Variants in MX1 observed in about 807,000 individuals in gnomAD.
MX1 encodes the protein interferon-induced GTP-binding protein Mx1.
A neutral mutation model predicts 66.4 loss-of-function variants in MX1; 66 were observed. The observed-to-expected ratio is 0.99, with a 90% CI of 0.82 to 1.22. The LOEUF (loss-of-function observed/expected upper bound fraction) is 1.22, where lower values mean the gene tolerates loss of function less well. MX1 is among the 50% of genes most tolerant of loss of function. The pLI is 0.00. For synonymous variants in MX1, 311 were observed against 318.1 expected, an observed-to-expected ratio of 0.98 and a Z score of 0.24; for missense variants, 787 against 834.3, an observed-to-expected ratio of 0.94 and a Z score of 0.70.
Position 41,441,055 on chromosome 21 carries a change from G to C in MX1, c.730+30G>C, listed in dbSNP as rs8134242. ...GAGTGGGGGAGCCCCACTGTGCTCA[G>C]TGAGAATGGGGGAGCCCGCCTGTGC... On this transcript the variant is annotated intron_variant, in intron 9 of 16. Transcript: ENST00000398598. The surrounding 1 kb of genome is among the most constrained non-coding windows in gnomAD (Gnocchi z 4.0). 1.3e-5 allele frequency: 19 copies of C among 1,504,148 alleles called. No individual in the cohort carries two copies. The Middle Eastern group carries it at 1.3e-3, about 102-fold the overall frequency. The allele number at this position is 1,504,148 out of a possible 1,614,324, so 93.2% of individuals were successfully genotyped here. A position where few individuals can be genotyped will look rare whatever the true frequency, so the allele number is the denominator to read the frequency against.
rs1460205647 is a variant in MX1, at chr21:41,459,041, T to A, written c.*283T>A. ...CCTCAGAATCGCTCCACCTTGCAGC[T>A]CTCCCCTTCTCTGTATTCCTAGAAA... On this transcript the variant is annotated 3_prime_UTR_variant, in exon 17 of 17. Coordinates refer to ENST00000398598, the MANE Select transcript of MX1 (RefSeq NM_002462.5). The A allele has an allele frequency of 2.1e-5, 11 of 529,926 alleles. No homozygotes were observed. In the East Asian group the frequency reaches 3.1e-4, roughly 15 times the overall value. The allele number at this position is 529,926 out of a possible 1,614,324, so 32.8% of individuals were successfully genotyped here. A position where few individuals can be genotyped will look rare whatever the true frequency, so the allele number is the denominator to read the frequency against.
intron 13 of MX1, among the ~76,000 whole-genome samples, chr21:41,448,823 A>C (rs1235560854): frequency 6.6e-6 from 1 of 152,006 alleles, no homozygotes; most frequent in African/African-American, 2.4e-5. Context: ...CAAATGAAAA[A>C]AAAGGGTCTT....
chr21:41,421,285 G>C (rs2089990455), upstream of MX1: 1 of 152,284 alleles, frequency 6.6e-6, no homozygotes, highest in Non-Finnish European at 1.5e-5. Context: ...TCAGTAGATG[G>C]AACGTACAAT....
intron 14 of MX1, 86 bp downstream of exon 14, chr21:41,449,381 C>T: frequency 1.4e-6 from 2 of 1,416,310 alleles, no homozygotes; most frequent in East Asian, 4.6e-5. Flanking sequence ...TCAGCACTTT[C>T]CTCCTGGGGT....
rs1555885674 is a variant in MX1 at position 41,442,006 on chromosome 21, A to AGC, written c.929+93_929+94insCG. On this transcript the variant is annotated intron_variant, in intron 10 of 16. Coordinates refer to ENST00000398598, the MANE Select transcript of MX1 (RefSeq NM_002462.5). ...TGGCAGCCGTCCCACAGATGTGTGGAGTGTGTGTGTGTGTGTGTGCGTGTG... is the reference window on the plus strand; with the variant it reads ...TGGCAGCCGTCCCACAGATGTGTGGAGCGTGTGTGTGTGTGTGTGTGCGTGTG... 1.5e-5 allele frequency: 14 copies of AGC among 909,918 alleles called. No homozygotes were observed. The African/African-American group carries it at 2.1e-4, about 14-fold the overall frequency. 56.4% of individuals were successfully genotyped at this position (909,918 alleles called of 1,614,324 possible). A position where few individuals can be genotyped will look rare whatever the true frequency, so the allele number is the denominator to read the frequency against.
rs1345167441 is a variant in MX1, at chr21:41,458,735, C to T, written c.1966C>T (p.Arg656Trp). 8 of 1,612,870 alleles carry T rather than the reference C, an allele frequency of 5.0e-6. No homozygotes were observed. The highest frequency in any genetic ancestry group is 2.2e-5 in the South Asian group (2 of 91,078). The change falls in exon 17 of 17, where the codon CGG becomes TGG. Residue 656 changes from arginine (R) to tryptophan (W), a missense_variant. Physicochemically the swap from Arg to Trp is moderately radical, Grantham distance 101 (BLOSUM62 -3). Coordinates refer to ENST00000398598, the MANE Select transcript of MX1 (RefSeq NM_002462.5). The stretch of plus-strand genomic sequence containing the variant: ...TGCACGGCTGACGCAGGCTCGGCGC[C>T]GGCTTGCCCAGTTCCCCGGTTAACC... The part of the protein sequence containing the change: ...RLARLTQARR[R>W]LAQFPG
At chr21:41,420,746 C>T (rs552392195) in exon 1 of MX1, 3 of 152,276 alleles carry the variant, frequency 2.0e-5, no homozygotes, top group African/African-American at 7.2e-5. Context: ...GCAGCGGCAC[C>T]CAGCGTGGGC....
chr21:41,434,791 T>C (rs1380917005), intron 5 of MX1, among the ~76,000 whole-genome samples: 15 of 152,234 alleles, frequency 9.9e-5, no homozygotes, highest in Admixed American at 9.8e-4. Context: ...ATTATTGATG[T>C]TCAAACATTC....
chr21:41,455,494 A>G (rs1384195276), intron 16 of MX1, among the ~76,000 whole-genome samples: 1 of 152,270 alleles, frequency 6.6e-6, no homozygotes, highest in Non-Finnish European at 1.5e-5. Flanking sequence ...GATGAGTGAC[A>G]ATGGCAGAGG....
chr21:41,455,183 T>G (rs578249357), intron 16 of MX1, among the ~76,000 whole-genome samples: 1 of 152,174 alleles, frequency 6.6e-6, no homozygotes, highest in Non-Finnish European at 1.5e-5. Context: ...GTGCTGGGAT[T>G]ACAGGCGTGA....
chr21:41,457,357 G>A (rs1369514521), intron 16 of MX1, among the ~76,000 whole-genome samples: 1 of 152,210 alleles, frequency 6.6e-6, no homozygotes, highest in Non-Finnish European at 1.5e-5. Flanking sequence ...GGCCTCAGTG[G>A]TTATTGCCAT....
intron 7 of MX1, 104 bp from the exon 8 acceptor site, chr21:41,439,590 C>A (rs2090448824): frequency 9.2e-7 from 1 of 1,090,490 alleles, no homozygotes; most frequent in African/African-American, 1.6e-5. Flanking sequence ...ATGCTTTTAT[C>A]CATGACTCGC....
chr21:41,449,421 T>A (rs891953885), intron 14 of MX1, 126 bp downstream of exon 14: 1 of 889,974 alleles, frequency 1.1e-6, no homozygotes. Flanking sequence ...AAACCTCTCA[T>A]TCTCCAGATG....
intron 15 of MX1, among the ~76,000 whole-genome samples, chr21:41,452,068 A>G (rs1431897645): frequency 6.6e-6 from 1 of 151,994 alleles, no homozygotes; most frequent in Non-Finnish European, 1.5e-5. Flanking sequence ...GAAGACTGAT[A>G]AGGCCTTCCT....
chr21:41,446,031 C>G lies in MX1; in HGVS notation c.1163C>G (p.Ala388Gly). 6.2e-7 allele frequency: 1 copy of G among 1,614,018 alleles called. No individual in the cohort carries two copies. The highest frequency in any genetic ancestry group is 1.3e-5 in the African/African-American group (1 of 75,038). Reference protein sequence around the residue: ...KVNAFNQDITALMQGEETVGE... With the variant: ...KVNAFNQDITGLMQGEETVGE... ...AATGCCTTTAATCAGGACATCACTG[C>G]TCTCATGCAAGGAGAGGAAACTGTA... Residue 388 changes from alanine (A) to glycine (G), a missense_variant, in exon 13 of 17, where the codon GCT (alanine) becomes GGT (glycine). Transcript: ENST00000398598.
rs77103646 is a variant in MX1, at chr21:41,450,168, G to A, written c.1432+873G>A. ...AATCGGCTGTTTATTTGAAATCTCC[G>A]AGGAGTAAAGCCAATGGTTCCATAA... On this transcript the variant is annotated intron_variant, in intron 14 of 16. Coordinates refer to ENST00000398598, the MANE Select transcript of MX1 (RefSeq NM_002462.5). 5.8e-4 allele frequency among the ~76,000 whole-genome samples: 88 copies of A among 152,302 alleles called. 2 individuals carry two copies. In the East Asian group the frequency reaches 0.013, roughly 23 times the overall value.
In MX1 at chr21:41,451,717, C is replaced by A. The variant is rs139148604; in HGVS notation, c.1509+474C>A. Among the ~76,000 whole-genome samples, 106 of 151,972 alleles carry A rather than the reference C, an allele frequency of 7.0e-4. 2 individuals are homozygous for A. In the South Asian group the frequency reaches 0.013, roughly 19 times the overall value. ...GGACGTGGTGGTGCATGCCTGTAAT[C>A]CCAGCTACTTGGGAGGCTGACACTT... On this transcript the variant is annotated intron_variant, in intron 15 of 16. Transcript: ENST00000398598.
intron 16 of MX1, among the ~76,000 whole-genome samples, chr21:41,454,794 T>G (rs1439660078): frequency 2.0e-5 from 3 of 152,188 alleles, no homozygotes; most frequent in Non-Finnish European, 2.9e-5. Context: ...GCCTTACTAT[T>G]TGGATGCTTT....
chr21:41,421,704 G>A, upstream of MX1: 1 of 153,852 alleles, frequency 6.5e-6, no homozygotes, highest in Non-Finnish European at 1.4e-5. Flanking sequence ...ATGGGGTTGG[G>A]GGTAAGGTTA....
Sources: allele counts gnomAD v4.1 joint callset (sites outside exome capture counted in the v4.1 genomes callset), GRCh38; gene constraint gnomAD v4.1.1; non-coding constraint Gnocchi (gnomAD v3.1); transcripts MANE v1.5; gene names NCBI Gene and HGNC (gene_info 2026-07-23, HGNC 2026-07-21).